AIM2: variants seen among roughly 807,000 people sequenced by gnomAD.
AIM2 encodes absent in melanoma 2, also known as interferon-inducible protein AIM2.
In AIM2, 30 loss-of-function variants were observed where a neutral mutation model predicts 27.7. That is an observed-to-expected ratio of 1.08 (90% CI 0.81 to 1.47). The LOEUF is 1.47. AIM2 is among the 40% of genes most tolerant of loss of function. The pLI is 0.00. For missense variants in AIM2, 358 were observed against 411.3 expected, an observed-to-expected ratio of 0.87 and a Z score of 1.12; for synonymous variants, 141 against 145.3, an observed-to-expected ratio of 0.97 and a Z score of 0.21.
rs541731280 is a variant in AIM2, at chr1:159,134,550, G to A, written c.-16+5881C>T. 3.7e-4 allele frequency among the ~76,000 whole-genome samples: 56 copies of A among 152,274 alleles called. No homozygotes were observed. In the East Asian group the frequency reaches 0.01, roughly 27 times the overall value. ...AAACTCGCTTTACAGTCCTTCATCC[G>A]GCCGAGTGCGGTGGCTCACACCTGT... On this transcript the variant is annotated intron_variant, in intron 1 of 2. Transcript: ENST00000368129.
At chr1:159,079,483 T>C (rs935545425), upstream of AIM2, among the ~76,000 whole-genome samples, 10 of 152,154 alleles carry the variant, frequency 6.6e-5, no homozygotes, top group Non-Finnish European at 4.4e-5. Flanking sequence ...AATACCGAAT[T>C]TGATGAATGA....
intron 2 of AIM2, among the ~76,000 whole-genome samples, chr1:159,072,155 T>C (rs1656386774): frequency 6.6e-6 from 1 of 152,232 alleles, no homozygotes; most frequent in Admixed American, 6.5e-5. Flanking sequence ...TACTTGGAAG[T>C]AACATGTGTA....
chr1:159,063,533 T>C lies in AIM2; in HGVS notation c.958A>G (p.Asn320Asp), dbSNP rs763931248. The change falls in exon 5 of 6, where the codon AAT becomes GAT. Residue 320 changes from asparagine to aspartate, a missense_variant. Coordinates refer to ENST00000368130, the MANE Select transcript of AIM2 (RefSeq NM_004833.3). Reference protein sequence around the residue: ...VRLTFFTLSKNGEKLQLTSGV... With the variant: ...VRLTFFTLSKDGEKLQLTSGV... ...GATGTCAGCTGTAGTTTTTCTCCAT[T>C]TTTTGACAGTGTGAAGAATGTAAGT... is the stretch of plus-strand genomic sequence containing the variant. 3 of 1,614,142 alleles carry C rather than the reference T, an allele frequency of 1.9e-6. No homozygotes were observed. Among genetic ancestry groups the C allele is most frequent in the Non-Finnish European group, 2.5e-6 (3 of 1,180,012 alleles).
intron 1 of AIM2, among the ~76,000 whole-genome samples, chr1:159,137,560 G>A (rs940399281): frequency 1.3e-5 from 2 of 152,150 alleles, no homozygotes; most frequent in Admixed American, 6.5e-5. Context: ...AGGAGGCTGA[G>A]GCAGGAGAAT....
the AIM2 span, among the ~76,000 whole-genome samples, chr1:159,056,716 G>GAAAAAA: frequency 8.0e-5 from 1 of 12,550 alleles, no homozygotes; most frequent in East Asian, 3.1e-3. Context: ...AGCCCAACCG[G>GAAAAAA]CAAAAAAAAA....
intron 1 of AIM2, among the ~76,000 whole-genome samples, chr1:159,102,024 C>G (rs867594180): frequency 1.6e-4 from 24 of 152,162 alleles, no homozygotes; most frequent in Middle Eastern, 3.2e-3. Context: ...CAGAGACCTA[C>G]ACAGCAGCCC....
upstream of AIM2, among the ~76,000 whole-genome samples, chr1:159,143,934 C>T (rs905669477): frequency 6.6e-6 from 1 of 152,156 alleles, no homozygotes; most frequent in African/African-American, 2.4e-5. Context: ...AATCTTTTTA[C>T]TCACCAAATA....
upstream of AIM2, among the ~76,000 whole-genome samples, chr1:159,078,441 T>C (rs1656688701): frequency 6.6e-6 from 1 of 152,142 alleles, no homozygotes; most frequent in African/African-American, 2.4e-5. Context: ...TAAAAAGATG[T>C]GAAGTGTATG....
intron 1 of AIM2, among the ~76,000 whole-genome samples, chr1:159,129,257 T>C (rs1031000820): frequency 6.6e-6 from 1 of 152,160 alleles, no homozygotes; most frequent in African/African-American, 2.4e-5. Context: ...TCTGCTTACA[T>C]CTTGACCTTG....
In AIM2 at chr1:159,103,863, C is replaced by T. The variant is rs528115433; in HGVS notation, c.-16+36568G>A. Among the ~76,000 whole-genome samples, 4 of 152,166 alleles carry T rather than the reference C, an allele frequency of 2.6e-5. No homozygotes were observed. The East Asian group carries it at 7.7e-4, about 29-fold the overall frequency. ...CTTTTCTCTCCCAAATTCACCCACG[C>T]CAGCCAAAGGAGGATGTAAGGAGAT... On this transcript the variant is annotated intron_variant, in intron 1 of 2. Transcript: ENST00000368129.
At chr1:159,134,270 C>G (rs764465817) in intron 1 of AIM2, among the ~76,000 whole-genome samples, 2 of 152,202 alleles carry the variant, frequency 1.3e-5, no homozygotes, top group Non-Finnish European at 2.9e-5. Flanking sequence ...ACAACAACCT[C>G]TGGTGGTAAC....
At chr1:159,140,656 A>C (rs549249633), upstream of AIM2, 2 of 152,348 alleles carry the variant, frequency 1.3e-5, no homozygotes, top group East Asian at 3.9e-4. Context: ...CCCTCTAGCT[A>C]ATAAGCTAGA....
At chr1:159,081,345 T>C (rs1656770588), upstream of AIM2, 1 of 290,088 alleles carries the variant, frequency 3.4e-6, no homozygotes, top group African/African-American at 2.3e-5. Flanking sequence ...ATGAAATGCT[T>C]GCACCACATA....
At chr1:159,098,540 TA>T (rs1657248923) in intron 1 of AIM2, among the ~76,000 whole-genome samples, 1 of 152,190 alleles carries the variant, frequency 6.6e-6, no homozygotes, top group African/African-American at 2.4e-5. Context: ...TCCAGCGTTA[TA>T]AAAAGTTCTA....
At chr1:159,144,648 G>C (rs1648171166), upstream of AIM2, among the ~76,000 whole-genome samples, 1 of 152,008 alleles carries the variant, frequency 6.6e-6, no homozygotes, top group African/African-American at 2.4e-5. Context: ...AATCTGTATT[G>C]ATTTAATTCT....
chr1:159,085,321 G>A (rs1409224652), intron 1 of AIM2, among the ~76,000 whole-genome samples: 2 of 152,174 alleles, frequency 1.3e-5, no homozygotes, highest in African/African-American at 4.8e-5. Context: ...TTATTTAAAA[G>A]GTTCTGGGAA....
intron 1 of AIM2, among the ~76,000 whole-genome samples, chr1:159,086,153 T>C (rs956929312): frequency 3.3e-5 from 5 of 152,252 alleles, no homozygotes; most frequent in Admixed American, 1.3e-4. Flanking sequence ...CACCAGATTT[T>C]ACCCATCATT....
At chr1:159,112,307 A>G (rs1470440298) in intron 1 of AIM2, among the ~76,000 whole-genome samples, 2 of 152,188 alleles carry the variant, frequency 1.3e-5, no homozygotes, top group African/African-American at 4.8e-5. Flanking sequence ...ATCAAAGAAG[A>G]CTTCAAGACA....
chr1:159,108,166 C>T (rs1030749488), intron 1 of AIM2, among the ~76,000 whole-genome samples: 3 of 152,148 alleles, frequency 2.0e-5, no homozygotes, highest in Non-Finnish European at 4.4e-5. Flanking sequence ...AAAATACTAG[C>T]TAACCAAATC....
Sources: allele counts gnomAD v4.1 joint callset (sites outside exome capture counted in the v4.1 genomes callset), GRCh38; gene constraint gnomAD v4.1.1; transcripts MANE v1.5; gene names NCBI Gene and HGNC (gene_info 2026-07-23, HGNC 2026-07-21).